Variants in MYO9A observed in about 807,000 individuals in gnomAD.
MYO9A encodes the protein myosin IXA, also known as unconventional myosin-IXa.
Under a neutral mutation model 293.3 loss-of-function variants are expected in MYO9A, and 103 were observed. The ratio of observed to expected loss-of-function variants is 0.35; its 90% CI spans 0.30 to 0.41. MYO9A has a LOEUF of 0.41. Among genes scored for constraint, MYO9A ranks in the 10% least tolerant of loss-of-function variants. The pLI, the probability that MYO9A is intolerant of heterozygous loss-of-function variation, is 1.00. For missense variants in MYO9A, 2,685 were observed against 3,033.0 expected, an observed-to-expected ratio of 0.89 and a Z score of 2.69; for synonymous variants, 1,001 against 1,035.7, an observed-to-expected ratio of 0.97 and a Z score of 0.64.
intron 35 of MYO9A, 61 bp from the exon 36 acceptor site, chr15:71,852,321 C>T: frequency 1.6e-6 from 2 of 1,285,096 alleles, no homozygotes; most frequent in Admixed American, 2.1e-5. Context: ...TCAAATAATT[C>T]ACTTTAGAAA....
intron 2 of MYO9A, among the ~76,000 whole-genome samples, chr15:72,039,715 G>A (rs2078168402): frequency 1.3e-5 from 2 of 152,104 alleles, no homozygotes; most frequent in South Asian, 2.1e-4. Flanking sequence ...TATAGTCCCA[G>A]CTACTCAAGA....
rs1448104801 is a variant in MYO9A, at chr15:71,826,360, T to C, written c.*220A>G. ...GGCTTTGTATAGTAAAAATCTCAAT[T>C]CAAATACAACAGCCAAGGCACAGCT... On this transcript the variant is annotated 3_prime_UTR_variant, in exon 42 of 42. Transcript: ENST00000356056. The C allele has an allele frequency of 5.7e-6, 3 of 523,632 alleles. No individual in the cohort carries two copies. Among genetic ancestry groups the C allele is most frequent in the Non-Finnish European group, 9.8e-6 (3 of 305,450 alleles). The allele number at this position is 523,632 out of a possible 1,614,324, so 32.4% of individuals were successfully genotyped here.
At chr15:71,987,217 A>C (rs148117251) in intron 11 of MYO9A, among the ~76,000 whole-genome samples, 15 of 152,328 alleles carry the variant, frequency 9.8e-5, no homozygotes, top group African/African-American at 3.6e-4. Context: ...TGTTCATACA[A>C]CAGCAAAATC....
intron 1 of MYO9A, among the ~76,000 whole-genome samples, chr15:72,101,555 A>G (rs1240472942): frequency 1.7e-5 from 2 of 118,010 alleles, no homozygotes; most frequent in South Asian, 6.0e-4. Flanking sequence ...CCCGTCCGGG[A>G]GGTGAGGGGC....
chr15:71,965,393 A>G (rs1230968916), intron 13 of MYO9A, among the ~76,000 whole-genome samples: 2 of 152,082 alleles, frequency 1.3e-5, no homozygotes, highest in Non-Finnish European at 2.9e-5. Context: ...TACAATTATG[A>G]TGGTGCACTT....
intron 39 of MYO9A, among the ~76,000 whole-genome samples, chr15:71,831,673 G>A (rs1482649624): frequency 6.6e-6 from 1 of 152,158 alleles, no homozygotes; most frequent in Non-Finnish European, 1.5e-5. Context: ...AGAAAAAAAT[G>A]AAAACATTCT....
At chr15:71,828,092 A>G in intron 40 of MYO9A, 66 bp from the exon 41 acceptor site, 2 of 1,530,954 alleles carry the variant, frequency 1.3e-6, no homozygotes, top group Non-Finnish European at 8.8e-7. Flanking sequence ...ACAGAAAAAA[A>G]GATCCTCCAT....
intron 13 of MYO9A, 35 bp downstream of exon 13, chr15:71,967,949 G>A: frequency 1.9e-6 from 3 of 1,577,928 alleles, no homozygotes; most frequent in Non-Finnish European, 2.6e-6. Context: ...ACACATCTCT[G>A]CCCTGTAAGC....
intron 16 of MYO9A, among the ~76,000 whole-genome samples, chr15:71,938,186 G>A (rs1269230954): frequency 6.6e-6 from 1 of 152,038 alleles, no homozygotes; most frequent in East Asian, 1.9e-4. Flanking sequence ...TGGAAAAAAT[G>A]ATCAATGAAG....
intron 1 of MYO9A, among the ~76,000 whole-genome samples, chr15:72,115,447 A>G (rs1412704943): frequency 6.6e-6 from 1 of 152,134 alleles, no homozygotes; most frequent in African/African-American, 2.4e-5. Flanking sequence ...GGGAATCCCC[A>G]CCTCAGTGAA....
chr15:71,913,784 T>G (rs796915447), intron 19 of MYO9A, among the ~76,000 whole-genome samples: 11 of 152,302 alleles, frequency 7.2e-5, no homozygotes, highest in African/African-American at 2.6e-4. Context: ...ATTTTTAGTT[T>G]TGTGAGAGCA....
chr15:71,914,211 G>A (rs1039776922), intron 19 of MYO9A, among the ~76,000 whole-genome samples: 2 of 152,066 alleles, frequency 1.3e-5, no homozygotes, highest in African/African-American at 4.8e-5. Context: ...CTCTTCCTGA[G>A]CCGTAGCAAA....
intron 1 of MYO9A, among the ~76,000 whole-genome samples, chr15:72,064,606 A>G (rs545004026): frequency 1.6e-4 from 25 of 152,356 alleles, no homozygotes; most frequent in African/African-American, 6.0e-4. Context: ...CATACTGAAC[A>G]TTTATGATCT....
intron 27 of MYO9A, among the ~76,000 whole-genome samples, chr15:71,887,264 G>T (rs901312846): frequency 6.6e-6 from 1 of 152,066 alleles, no homozygotes; most frequent in Non-Finnish European, 1.5e-5. Flanking sequence ...TAAGTATAGA[G>T]GGAGATAAAG....
At chr15:72,006,383 G>C (rs12902160) in intron 8 of MYO9A, among the ~76,000 whole-genome samples, 2,074 of 152,218 alleles carry the variant, frequency 0.014, 22 homozygotes, top group East Asian at 0.025. Context: ...TTGCAGGCAT[G>C]AGCCGCCAGA....
intron 2 of MYO9A, 48 bp downstream of exon 2, chr15:72,045,676 G>C (rs2078365198): frequency 6.6e-7 from 1 of 1,512,448 alleles, no homozygotes; most frequent in African/African-American, 1.4e-5. Context: ...CCACCTCAAA[G>C]GATAAAAATC....
At chr15:72,068,766 C>A (rs1328888746) in intron 1 of MYO9A, among the ~76,000 whole-genome samples, 1 of 152,100 alleles carries the variant, frequency 6.6e-6, no homozygotes, top group Non-Finnish European at 1.5e-5. Context: ...TAAGAGCCAC[C>A]ATACCCAGCC....
chr15:72,011,196 G>C (rs888895575), intron 6 of MYO9A, among the ~76,000 whole-genome samples: 10 of 151,788 alleles, frequency 6.6e-5, no homozygotes, highest in African/African-American at 1.9e-4. Context: ...ATTTTTAATA[G>C]AGACATGGTT....
At chr15:71,944,541 G>A (rs1281230634) in intron 15 of MYO9A, among the ~76,000 whole-genome samples, 1 of 152,084 alleles carries the variant, frequency 6.6e-6, no homozygotes, top group African/African-American at 2.4e-5. Flanking sequence ...TATGATATAA[G>A]GGTCAAAGTT....
Sources: gnomAD v4.1 joint callset for allele counts (sites outside exome capture counted in the v4.1 genomes callset) on GRCh38, gnomAD v4.1.1 for gene constraint, MANE v1.5 for transcripts, NCBI Gene and HGNC (gene_info 2026-07-23, HGNC 2026-07-21) for gene names.